MROH1: variants seen among roughly 807,000 people sequenced by gnomAD.
The protein encoded by MROH1 is maestro heat like repeat family member 1, also known as maestro heat-like repeat-containing protein family member 1.
A neutral mutation model predicts 116.5 loss-of-function variants in MROH1; 117 were observed. The observed-to-expected ratio is 1.00, with a 90% CI of 0.86 to 1.17. The LOEUF (loss-of-function observed/expected upper bound fraction) is 1.17. Ranked by LOEUF, MROH1 falls within the 50% of genes most tolerant of loss-of-function variation. MROH1 has a pLI of 0.00. For missense variants in MROH1, 1,873 were observed against 1,338.5 expected, an observed-to-expected ratio of 1.40 and a Z score of -6.23; for synonymous variants, 921 against 583.9, an observed-to-expected ratio of 1.58 and a Z score of -8.32.
chr8:144,190,118 C>T (rs571295322), intron 7 of MROH1, among the ~76,000 whole-genome samples: 1 of 152,316 alleles, frequency 6.6e-6, no homozygotes, highest in East Asian at 1.9e-4. Flanking sequence ...CTGCCTCGCC[C>T]CAGTCTGTGC....
chr8:144,151,247 C>CAA (rs1160118892), intron 1 of MROH1, among the ~76,000 whole-genome samples: 1,937 of 22,906 alleles, frequency 0.085, 386 homozygotes, highest in African/African-American at 0.22. Context: ...TATTCTGTCT[C>CAA]AAAAAAAAAA....
At chr8:144,216,304 C>G (rs1260459519) in intron 12 of MROH1, among the ~76,000 whole-genome samples, 1 of 151,566 alleles carries the variant, frequency 6.6e-6, no homozygotes, top group Non-Finnish European at 1.5e-5. Context: ...GAAACCCCAT[C>G]TCTACTAAAA....
intron 11 of MROH1, 35 bp from the exon 12 acceptor site, chr8:144,200,393 G>A: frequency 2.7e-6 from 4 of 1,486,934 alleles, no homozygotes; most frequent in Non-Finnish European, 3.6e-6. Context: ...TGAACAAGAT[G>A]ACATGGAGCC....
At chr8:144,192,966 G>A (rs1829014322) in intron 10 of MROH1, 1 of 233,192 alleles carries the variant, frequency 4.3e-6, no homozygotes, top group Non-Finnish European at 8.6e-6. Context: ...GGATGAGAGA[G>A]GAGAGGGGCA....
intron 31 of MROH1, 80 bp downstream of exon 31, chr8:144,247,759 C>A: frequency 2.9e-6 from 2 of 701,198 alleles, no homozygotes; most frequent in Non-Finnish European, 5.2e-6. Context: ...TGGCACCTGG[C>A]CTCCCCTAGC....
At chr8:144,188,173 A>G (rs922694909) in intron 7 of MROH1, among the ~76,000 whole-genome samples, 4 of 152,188 alleles carry the variant, frequency 2.6e-5, no homozygotes, top group Non-Finnish European at 5.9e-5. Flanking sequence ...TGACATGACA[A>G]ATTAAAGGAA....
Position 144,255,570 on chromosome 8 carries a change from T to A in MROH1, c.3656T>A (p.Leu1219His), listed in dbSNP as rs1332517625. The A allele has an allele frequency of 3.8e-6, 3 of 779,272 alleles. No individual in the cohort carries two copies. The highest frequency in any genetic ancestry group is 7.2e-6 in the Non-Finnish European group (3 of 417,788). 48.3% of individuals were successfully genotyped at this position (779,272 alleles called of 1,614,324 possible). ...TPAAGPAVLE[L>H]YPQLFVVLLL... ...GCAGCGGGGCCCGCGGTGCTCGAGCTCTACCCCCAGCTGTTTGTGGTGCTT... is the reference window on the plus strand; with the variant it reads ...GCAGCGGGGCCCGCGGTGCTCGAGCACTACCCCCAGCTGTTTGTGGTGCTT... The change falls in exon 35 of 44, where the codon CTC becomes CAC. Residue 1219 changes from leucine to histidine, a missense_variant. Leu to His is a moderately conservative substitution (Grantham distance 99, BLOSUM62 -3). Coordinates refer to ENST00000326134, the MANE Select transcript of MROH1 (RefSeq NM_032450.3).
At chr8:144,213,753 A>G (rs1834681277) in intron 12 of MROH1, among the ~76,000 whole-genome samples, 1 of 151,974 alleles carries the variant, frequency 6.6e-6, no homozygotes, top group Non-Finnish European at 1.5e-5. Flanking sequence ...CACACACTGC[A>G]CTCCAGCCTG....
rs1218133727 is a variant in MROH1 at position 144,241,533 on chromosome 8, G to A, written c.2178+16G>A. ...CATTTTTAAGGTTAGGGTGACACCGGTGCAGGGCTGGGGACGGCTGTCTAT... is the reference window on the plus strand; with the variant it reads ...CATTTTTAAGGTTAGGGTGACACCGATGCAGGGCTGGGGACGGCTGTCTAT... On this transcript the variant is annotated intron_variant, in intron 22 of 43. Coordinates refer to ENST00000326134, the MANE Select transcript of MROH1 (RefSeq NM_032450.3). The A allele has an allele frequency of 1.3e-6, 1 of 778,046 alleles. No homozygotes were observed. Among genetic ancestry groups the A allele is most frequent in the Non-Finnish European group, 2.4e-6 (1 of 417,392 alleles). The allele number at this position is 778,046 out of a possible 1,614,324, so 48.2% of individuals were successfully genotyped here.
intron 19 of MROH1, 90 bp from the exon 20 acceptor site, chr8:144,240,480 G>A: frequency 1.4e-6 from 1 of 705,216 alleles, no homozygotes. Flanking sequence ...TGCAGCCCCT[G>A]CAGCCACAGC....
At chr8:144,245,114 C>T in intron 28 of MROH1, 42 bp from the exon 29 acceptor site, 1 of 778,304 alleles carries the variant, frequency 1.3e-6, no homozygotes, top group African/African-American at 1.7e-5. Flanking sequence ...GCCCCCAGGG[C>T]TGCCCTCTGA....
Position 144,239,876 on chromosome 8 carries a change from GGTT to G in MROH1, c.1774+124_1774+126del, listed in dbSNP as rs1840672800. 5.9e-6 allele frequency: 4 copies of G among 678,142 alleles called. No individual in the cohort carries two copies. In the Middle Eastern group the frequency reaches 1.1e-3, roughly 194 times the overall value. 42.0% of individuals were successfully genotyped at this position (678,142 alleles called of 1,614,324 possible). A position where few individuals can be genotyped will look rare whatever the true frequency, so the allele number is the denominator to read the frequency against. ...CACTAGGGTGGCCAATGGGGACTAG[GGTT>G]GTATAATTGGAAAATACAGTCTCCC... On this transcript the variant is annotated intron_variant, in intron 18 of 43. Coordinates refer to ENST00000326134, the MANE Select transcript of MROH1 (RefSeq NM_032450.3).
rs907393072 is a variant in MROH1 at position 144,182,170 on chromosome 8, G to A, written c.562+1647G>A. On this transcript the variant is annotated intron_variant, in intron 7 of 43. Transcript: ENST00000326134. This position sits in a 1 kb window ranked among gnomAD's most constrained non-coding sequence, Gnocchi z 4.1. Reference sequence around the variant, plus strand: ...CAACCGGGTGAGGCCTAGTGGTGGGGGCGGTGGCAGGCCTGCGTCCACTGC... The same window carrying A: ...CAACCGGGTGAGGCCTAGTGGTGGGAGCGGTGGCAGGCCTGCGTCCACTGC... 5.8e-4 allele frequency among the ~76,000 whole-genome samples: 89 copies of A among 152,244 alleles called. No individual in the cohort carries two copies. The highest frequency in any genetic ancestry group is 3.3e-4 in the Admixed American group (5 of 15,282).
At chr8:144,250,179 G>C in intron 32 of MROH1, 33 bp from the exon 33 acceptor site, 2 of 758,386 alleles carry the variant, frequency 2.6e-6, no homozygotes, top group East Asian at 4.9e-5. Context: ...TCCCCCACGC[G>C]TGGCCTGACC....
chr8:144,245,520 G>T (rs956969128), intron 29 of MROH1, among the ~76,000 whole-genome samples: 1 of 152,242 alleles, frequency 6.6e-6, no homozygotes, highest in East Asian at 1.9e-4. Context: ...GTTGAGCGCG[G>T]TGCTTGATTT....
chr8:144,236,123 C>T (rs1167064229), intron 14 of MROH1, among the ~76,000 whole-genome samples: 2 of 152,172 alleles, frequency 1.3e-5, no homozygotes, highest in Non-Finnish European at 2.9e-5. Flanking sequence ...TAGCCTCCTG[C>T]CCTTGTGTTT....
intron 12 of MROH1, among the ~76,000 whole-genome samples, chr8:144,209,907 A>AC (rs1234272702): frequency 7.6e-6 from 1 of 132,302 alleles, no homozygotes; most frequent in Non-Finnish European, 1.6e-5. Context: ...CCCTGTCTCA[A>AC]AAAAAAAAAA....
intron 14 of MROH1, among the ~76,000 whole-genome samples, chr8:144,236,478 C>T (rs1182739388): frequency 1.3e-5 from 2 of 152,126 alleles, no homozygotes; most frequent in South Asian, 2.1e-4. Flanking sequence ...CGGTGGCTCA[C>T]GCCTGTAATC....
intron 14 of MROH1, among the ~76,000 whole-genome samples, chr8:144,231,824 G>A (rs1838945923): frequency 6.6e-6 from 1 of 152,206 alleles, no homozygotes; most frequent in South Asian, 2.1e-4. Context: ...TTAAAATGCA[G>A]CCCCTGTGAC....
Sources: gnomAD v4.1 joint callset for allele counts (sites outside exome capture counted in the v4.1 genomes callset) on GRCh38, gnomAD v4.1.1 for gene constraint, Gnocchi (gnomAD v3.1) non-coding constraint, MANE v1.5 for transcripts, NCBI Gene and HGNC (gene_info 2026-07-23, HGNC 2026-07-21) for gene names.